Variants in DLGAP3 observed in about 807,000 individuals in gnomAD.
DLGAP3 encodes the protein disks large-associated protein 3.
A neutral mutation model predicts 81.2 loss-of-function variants in DLGAP3; 17 were observed. The ratio of observed to expected loss-of-function variants is 0.21; its 90% CI spans 0.14 to 0.31. The LOEUF is 0.31. Among genes scored for constraint, DLGAP3 ranks in the 10% least tolerant of loss-of-function variants. The pLI is 1.00. For missense variants in DLGAP3, 1,124 were observed against 1,388.0 expected (o/e 0.81, Z 3.02); for synonymous variants, 577 against 587.4 (o/e 0.98, Z 0.26).
Position 34,867,266 on chromosome 1 carries a change from T to C in DLGAP3, c.2578-75A>G, listed in dbSNP as rs1479816333. On this transcript the variant is annotated intron_variant, in intron 10 of 11. Coordinates refer to ENST00000373347, the MANE Select transcript of DLGAP3 (RefSeq NM_001080418.3). This position sits in a 1 kb window ranked among gnomAD's most constrained non-coding sequence, Gnocchi z 4.3. The stretch of plus-strand genomic sequence containing the variant: ...CCCCAGCCAGGACAAGAGAAAGTCC[T>C]ATCCACCCTTACTGCCAGGAAGCTC... 10 of 1,595,150 alleles carry C rather than the reference T, an allele frequency of 6.3e-6. No homozygotes were observed. Among genetic ancestry groups the C allele is most frequent in the Non-Finnish European group, 8.6e-6 (10 of 1,164,536 alleles).
intron 1 of DLGAP3, among the ~76,000 whole-genome samples, chr1:34,926,654 T>C (rs1481075040): frequency 1.3e-5 from 2 of 152,144 alleles, no homozygotes; most frequent in African/African-American, 4.8e-5. Context: ...GTTTTTGTCA[T>C]CATTTGCTCC....
chr1:34,911,697 C>G (rs1639643549), intron 1 of DLGAP3, among the ~76,000 whole-genome samples: 1 of 152,164 alleles, frequency 6.6e-6, no homozygotes. Context: ...ACTACACAAT[C>G]CAGCAATTAG....
intron 8 of DLGAP3, among the ~76,000 whole-genome samples, chr1:34,878,030 C>A (rs374857726): frequency 6.6e-6 from 1 of 152,236 alleles, no homozygotes; most frequent in East Asian, 1.9e-4. Flanking sequence ...ATAGGCCAGG[C>A]ACCGTGGCTC....
rs369589541 is a variant in DLGAP3 at position 34,868,565 on chromosome 1, A to G, written c.2485+40T>C. 3 of 1,565,430 alleles carry G rather than the reference A, an allele frequency of 1.9e-6. No homozygotes were observed. The highest frequency in any genetic ancestry group is 2.7e-5 in the African/African-American group (2 of 74,060). Reference sequence around the variant, plus strand: ...GGGTCTCCTGAGCACACACGAGGCCATGGTCCCCAGAGTCCCCTTGTTCCG... The same window carrying G: ...GGGTCTCCTGAGCACACACGAGGCCGTGGTCCCCAGAGTCCCCTTGTTCCG... On this transcript the variant is annotated intron_variant, in intron 9 of 11. Transcript: ENST00000373347. The surrounding 1 kb of genome is among the most constrained non-coding windows in gnomAD (Gnocchi z 7.5).
Position 34,906,016 on chromosome 1 carries a change from T to TTATATATATATATATATA in DLGAP3, c.-51-583_-51-582insTATATATATATATATATA, listed in dbSNP as rs150603784. ...ACAGAGCGAGACCTGGCCTCTAAAT[T>TTATATATATATATATATA]TATATATATATATATATTTGTTTGT... On this transcript the variant is annotated intron_variant, in intron 2 of 11. Coordinates refer to ENST00000373347, the MANE Select transcript of DLGAP3 (RefSeq NM_001080418.3). 4.3e-3 allele frequency among the ~76,000 whole-genome samples: 276 copies of TTATATATATATATATATA among 64,742 alleles called. 36 individuals carry two copies. Among genetic ancestry groups the TTATATATATATATATATA allele is most frequent in the East Asian group, 9.2e-3 (8 of 868 alleles). The allele number at this position is 64,742 out of a possible 152,430, so 42.5% of individuals were successfully genotyped here. A position where few individuals can be genotyped will look rare whatever the true frequency, so the allele number is the denominator to read the frequency against.
intron 1 of DLGAP3, among the ~76,000 whole-genome samples, chr1:34,914,230 A>G (rs980274455): frequency 3.9e-5 from 6 of 152,076 alleles, no homozygotes; most frequent in Non-Finnish European, 5.9e-5. Context: ...TTGAGACACA[A>G]TTCAGCCTGA....
chr1:34,886,026 C>T (rs1379934594), intron 6 of DLGAP3, 46 bp downstream of exon 6: 3 of 1,530,624 alleles, frequency 2.0e-6, no homozygotes, highest in Non-Finnish European at 2.7e-6. Context: ...GGACCCAGGG[C>T]GCTCTCCTGC....
chr1:34,870,093 C>A (rs1191658508), intron 8 of DLGAP3, among the ~76,000 whole-genome samples: 1 of 152,176 alleles, frequency 6.6e-6, no homozygotes, highest in Non-Finnish European at 1.5e-5. Context: ...GCCAGTGGAG[C>A]TGAATTAAGT....
Position 34,868,748 on chromosome 1 carries a change from C to G in DLGAP3, c.2342G>C (p.Ser781Thr). Residue 781 changes from serine (S) to threonine (T), a missense_variant, in exon 9 of 12, where the codon AGC becomes ACC. Around this residue, in one of 9 missense-constraint regions of DLGAP3, gnomAD observed 379 missense variants for 455.7 expected, o/e 0.83. Transcript: ENST00000373347. This position sits in a 1 kb window ranked among gnomAD's most constrained non-coding sequence, Gnocchi z 7.5. ...GGATGCGCGGCCTGAGTCGGGGAGG[C>G]TACGTGAACCGCGCTCTATCCAGGA... ...RDSWIERGSR[S>T]LPDSGRASPC... 1.2e-6 allele frequency: 2 copies of G among 1,607,582 alleles called. No individual in the cohort carries two copies. The highest frequency in any genetic ancestry group is 1.7e-6 in the Non-Finnish European group (2 of 1,179,784).
Position 34,865,656 on chromosome 1 carries a change from A to ACG in DLGAP3, c.*426_*427insCG. 1 of 265,092 alleles carries ACG rather than the reference A, an allele frequency of 3.8e-6. No homozygotes were observed. Among genetic ancestry groups the ACG allele is most frequent in the South Asian group, 3.2e-5 (1 of 31,292 alleles). The allele number at this position is 265,092 out of a possible 1,614,324, so 16.4% of individuals were successfully genotyped here. On this transcript the variant is annotated 3_prime_UTR_variant, in exon 12 of 12. Coordinates refer to ENST00000373347, the MANE Select transcript of DLGAP3 (RefSeq NM_001080418.3). ...GGGAGGGTGGGGCGGGCTCCTAGGC[A>ACG]GGGTTCGGGATTCTTCATAAAAAGC...
At position 34,904,958 on chromosome 1, in the gene DLGAP3, C is replaced by T; in HGVS notation, c.426G>A (p.Gln142=). 1 of 1,613,222 alleles carries T rather than the reference C, an allele frequency of 6.2e-7. No individual in the cohort carries two copies. Among genetic ancestry groups the T allele is most frequent in the Non-Finnish European group, 8.5e-7 (1 of 1,179,762 alleles). The change falls in exon 3 of 12, where the codon CAG becomes CAA. Residue 142 remains glutamine, a synonymous_variant. Transcript: ENST00000373347. This position sits in a 1 kb window ranked among gnomAD's most constrained non-coding sequence, Gnocchi z 8.1. ...CGGGCCCTGCCCCTGCTGGCCCTCGCTGGTATGGTAGTGTGTGGAAGCCAT... is the reference window on the plus strand; with the variant it reads ...CGGGCCCTGCCCCTGCTGGCCCTCGTTGGTATGGTAGTGTGTGGAAGCCAT... ...QQDGFHTLPY[Q]RGPAGAGPGP...
In DLGAP3 at chr1:34,865,727, G is replaced by T. The variant is rs114341307; in HGVS notation, c.*356C>A. 2,238 of 325,716 alleles carry T rather than the reference G, an allele frequency of 6.9e-3. 65 individuals carry two copies. Among genetic ancestry groups the T allele is most frequent in the African/African-American group, 0.059 (2,096 of 35,364 alleles). The allele number at this position is 325,716 out of a possible 1,614,324, so 20.2% of individuals were successfully genotyped here. On this transcript the variant is annotated 3_prime_UTR_variant, in exon 12 of 12. Transcript: ENST00000373347. ...AAGCCCAGCCCCGCGGGGTGGGGGA[G>T]GGGGGGACGCAGAGCCCAGATGAGG...
At chr1:34,891,209 T>C (rs1639307686) in intron 5 of DLGAP3, among the ~76,000 whole-genome samples, 1 of 152,216 alleles carries the variant, frequency 6.6e-6, no homozygotes, top group South Asian at 2.1e-4. Flanking sequence ...TATAGTATTC[T>C]TGCCTGAGGC....
chr1:34,928,220 A>C (rs921027184), intron 1 of DLGAP3, among the ~76,000 whole-genome samples: 1 of 152,064 alleles, frequency 6.6e-6, no homozygotes, highest in African/African-American at 2.4e-5. Context: ...ATAACCCAGA[A>C]CTTGAAGGTT....
At chr1:34,893,178 C>CAAAAAAAAAAAAAAAAA (rs58802413) in intron 5 of DLGAP3, among the ~76,000 whole-genome samples, 1 of 84,844 alleles carries the variant, frequency 1.2e-5, no homozygotes, top group Non-Finnish European at 2.3e-5. Context: ...GACTCCGTCT[C>CAAAAAAAAAAAAAAAAA]AAAAAAAAAA....
At chr1:34,920,930 G>T (rs1398373719) in intron 1 of DLGAP3, among the ~76,000 whole-genome samples, 3 of 152,216 alleles carry the variant, frequency 2.0e-5, no homozygotes, top group Non-Finnish European at 2.9e-5. Context: ...ATAATGGAGT[G>T]AGGAGATAGA....
chr1:34,866,960 G>C, intron 11 of DLGAP3, 88 bp downstream of exon 11: 1 of 1,476,470 alleles, frequency 6.8e-7, no homozygotes, highest in Non-Finnish European at 9.5e-7. Flanking sequence ...CCCTTCCCCT[G>C]CCCCCTTGTT....
chr1:34,866,283 G>T lies in DLGAP3; in HGVS notation c.2740C>A (p.Pro914Thr), dbSNP rs1638876129. The T allele has an allele frequency of 1.3e-6, 2 of 1,533,936 alleles. No homozygotes were observed. Among genetic ancestry groups the T allele is most frequent in the African/African-American group, 1.4e-5 (1 of 72,698 alleles). Residue 914 changes from proline to threonine, a missense_variant, in exon 12 of 12, where the codon CCG becomes ACG. By Grantham distance (38) the Pro-to-Thr change is conservative. Transcript: ENST00000373347. ...LEPKEEKKVP[P>T]PIPKKPLRGR... is the part of the protein sequence containing the mutation. ...CGCAGGGGCTTCTTTGGTATCGGCGGAGGGACCTTCTTCTCCTCCTGCGGG... is the reference window on the plus strand; with the variant it reads ...CGCAGGGGCTTCTTTGGTATCGGCGTAGGGACCTTCTTCTCCTCCTGCGGG...
At position 34,905,133 on chromosome 1, in the gene DLGAP3, C is replaced by A. The variant is rs777868236; in HGVS notation, c.251G>T (p.Gly84Val). Reference sequence around the variant, plus strand: ...CATCCTGGGGAAGGTGCTGCTACCCCCCCCAACCCCGGCCCCCGCTGGCCC... The same window carrying A: ...CATCCTGGGGAAGGTGCTGCTACCCACCCCAACCCCGGCCCCCGCTGGCCC... ...EGGPAGAGVG[G>V]GSSTFPRMYP... The change falls in exon 3 of 12, where the codon GGG becomes GTG. Residue 84 changes from glycine to valine, a missense_variant. This residue lies in a region of DLGAP3 where 167 missense variants were observed against 172.1 expected (regional missense o/e 0.97). Transcript: ENST00000373347. 441 of 1,571,600 alleles carry A rather than the reference C, an allele frequency of 2.8e-4. No homozygotes were observed. The highest frequency in any genetic ancestry group is 3.5e-4 in the Non-Finnish European group (408 of 1,158,018).
Sources: gnomAD v4.1 joint callset for allele counts (sites outside exome capture counted in the v4.1 genomes callset) on GRCh38, gnomAD v4.1.1 for gene constraint, gnomAD v4.1.1 regional missense constraint, Gnocchi (gnomAD v3.1) non-coding constraint, MANE v1.5 for transcripts, NCBI Gene and HGNC (gene_info 2026-07-23, HGNC 2026-07-21) for gene names.